The following XKR4 variants were observed in gnomAD, a reference collection of about 807,000 sequenced individuals.
The protein encoded by XKR4 is XK related 4.
In XKR4, 12 loss-of-function variants were observed where a neutral mutation model predicts 53.9. That is an observed-to-expected ratio of 0.22 (90% CI 0.14 to 0.36). The LOEUF (loss-of-function observed/expected upper bound fraction) is 0.36. XKR4 is among the 10% of genes least tolerant of loss of function. The probability of loss-of-function intolerance (pLI) is 1.00; values close to 1 mark genes in which losing one functional copy is unlikely to be tolerated. For missense variants in XKR4, 799 were observed against 859.5 expected, an observed-to-expected ratio of 0.93 and a Z score of 0.88; for synonymous variants, 354 against 362.4, an observed-to-expected ratio of 0.98 and a Z score of 0.26.
chr8:55,384,319 G>A (rs1804278648), intron 2 of XKR4, among the ~76,000 whole-genome samples: 1 of 152,206 alleles, frequency 6.6e-6, no homozygotes, highest in South Asian at 2.1e-4. Context: ...TGCAGGAAAG[G>A]AAAATGTGTG....
At chr8:55,233,837 C>G (rs937659348) in intron 1 of XKR4, among the ~76,000 whole-genome samples, 1 of 152,134 alleles carries the variant, frequency 6.6e-6, no homozygotes, top group African/African-American at 2.4e-5. Context: ...GTTGCTAACA[C>G]ACTGAATAAA....
intron 1 of XKR4, among the ~76,000 whole-genome samples, chr8:55,298,427 C>T (rs942160974): frequency 2.0e-5 from 3 of 152,082 alleles, no homozygotes; most frequent in Non-Finnish European, 1.5e-5. Context: ...ACAAGCATGG[C>T]ACCAGCATTA....
chr8:55,327,342 T>G (rs1245991687), intron 1 of XKR4, among the ~76,000 whole-genome samples: 1 of 151,744 alleles, frequency 6.6e-6, no homozygotes, highest in Non-Finnish European at 1.5e-5. Flanking sequence ...ATCTCTTCCT[T>G]TGAAGAAAGC....
intron 2 of XKR4, among the ~76,000 whole-genome samples, chr8:55,470,148 G>C (rs1490646357): frequency 6.6e-6 from 1 of 152,102 alleles, no homozygotes; most frequent in Non-Finnish European, 1.5e-5. Context: ...TGTTCACAAG[G>C]GTGGACTAGC....
At chr8:55,358,239 T>G (rs1803850419) in intron 2 of XKR4, among the ~76,000 whole-genome samples, 1 of 152,172 alleles carries the variant, frequency 6.6e-6, no homozygotes, top group African/African-American at 2.4e-5. Context: ...CTGTCTCTAA[T>G]ATACATATGT....
At chr8:55,373,854 T>A (rs1477274301) in intron 2 of XKR4, among the ~76,000 whole-genome samples, 1 of 152,206 alleles carries the variant, frequency 6.6e-6, no homozygotes, top group Non-Finnish European at 1.5e-5. Context: ...AGATCTCTCT[T>A]TCAAATTCAG....
At chr8:55,444,644 GT>G (rs1585576172) in intron 2 of XKR4, among the ~76,000 whole-genome samples, 1 of 152,206 alleles carries the variant, frequency 6.6e-6, no homozygotes, top group East Asian at 1.9e-4. Context: ...TTTTCAGCAA[GT>G]TGAAAATTTA....
chr8:55,230,387 G>T (rs1349080153), intron 1 of XKR4, among the ~76,000 whole-genome samples: 1 of 134,282 alleles, frequency 7.4e-6, no homozygotes, highest in Non-Finnish European at 1.6e-5. Flanking sequence ...TTTGAGACAG[G>T]GTTTCTCTCC....
chr8:55,499,095 G>A (rs374055852), intron 2 of XKR4, among the ~76,000 whole-genome samples: 6 of 152,256 alleles, frequency 3.9e-5, no homozygotes, highest in African/African-American at 1.4e-4. Context: ...TTGAGGAAAC[G>A]TTAACAAATA....
intron 1 of XKR4, among the ~76,000 whole-genome samples, chr8:55,305,488 G>T (rs1438585499): frequency 6.6e-6 from 1 of 152,062 alleles, no homozygotes. Context: ...GCTTGTTAGA[G>T]TGAAGCAAAT....
intron 2 of XKR4, among the ~76,000 whole-genome samples, chr8:55,381,313 T>C (rs1234135687): frequency 6.6e-6 from 1 of 152,224 alleles, no homozygotes; most frequent in African/African-American, 2.4e-5. Context: ...GGCACATAAT[T>C]TGGAATCAAC....
At chr8:55,385,304 G>T (rs986911682) in intron 2 of XKR4, among the ~76,000 whole-genome samples, 1 of 152,102 alleles carries the variant, frequency 6.6e-6, no homozygotes, top group Non-Finnish European at 1.5e-5. Flanking sequence ...ACTCCAGCCT[G>T]TGTGGACATC....
intron 1 of XKR4, among the ~76,000 whole-genome samples, chr8:55,186,031 ATAAGGG>A (rs1270824564): frequency 6.6e-6 from 1 of 152,206 alleles, no homozygotes; most frequent in Non-Finnish European, 1.5e-5. Context: ...TTACATTGAA[ATAAGGG>A]TCATTCTAAG....
At chr8:55,504,035 C>T (rs1299426248) in intron 2 of XKR4, among the ~76,000 whole-genome samples, 1 of 151,936 alleles carries the variant, frequency 6.6e-6, no homozygotes, top group Non-Finnish European at 1.5e-5. Context: ...TTAAATCATC[C>T]TTGTATTTCA....
chr8:55,451,954 C>A, intron 2 of XKR4: 1 of 774,000 alleles, frequency 1.3e-6, no homozygotes, highest in South Asian at 1.4e-5. Context: ...GTGCTCCTAG[C>A]TGAGTTGGGG....
In XKR4 at chr8:55,202,602, C is replaced by CT. The variant is rs554626989; in HGVS notation, c.806+99310dup. On this transcript the variant is annotated intron_variant, in intron 1 of 2. Coordinates refer to ENST00000327381, the MANE Select transcript of XKR4 (RefSeq NM_052898.2). ...GCTCACCTGGAAATGATGACCAGCA[C>CT]TTACAGCTGAAGGTCTGGGGTTTGC... is the stretch of plus-strand genomic sequence containing the variant. Among the ~76,000 whole-genome samples the CT allele has an allele frequency of 1.1e-4, 17 of 152,330 alleles. No individual in the cohort carries two copies. In the South Asian group the frequency reaches 3.5e-3, roughly 32 times the overall value.
At chr8:55,317,188 T>A (rs891554604) in intron 1 of XKR4, among the ~76,000 whole-genome samples, 1 of 152,224 alleles carries the variant, frequency 6.6e-6, no homozygotes, top group Non-Finnish European at 1.5e-5. Context: ...GATTTTATAA[T>A]CACTCATGTG....
chr8:55,337,890 T>C (rs193088327), intron 1 of XKR4, among the ~76,000 whole-genome samples: 1 of 152,352 alleles, frequency 6.6e-6, no homozygotes, highest in Admixed American at 6.5e-5. Context: ...CACTATGTTA[T>C]GAGAAAGTCA....
At chr8:55,235,451 A>G (rs1818106049) in intron 1 of XKR4, among the ~76,000 whole-genome samples, 1 of 152,234 alleles carries the variant, frequency 6.6e-6, no homozygotes, top group Admixed American at 6.5e-5. Context: ...GTTGAAATGT[A>G]GCACTTAATG....
Sources: gnomAD v4.1 joint callset for allele counts (sites outside exome capture counted in the v4.1 genomes callset) on GRCh38, gnomAD v4.1.1 for gene constraint, MANE v1.5 for transcripts, NCBI Gene and HGNC (gene_info 2026-07-23, HGNC 2026-07-21) for gene names.